The following NDST3 variants were observed in gnomAD, a reference collection of about 807,000 sequenced individuals.
NDST3 encodes the protein bifunctional heparan sulfate N-deacetylase/N-sulfotransferase 3.
In NDST3, 58 loss-of-function variants were observed where a neutral mutation model predicts 96.1. The observed-to-expected ratio is 0.60, with a 90% CI of 0.49 to 0.75. The LOEUF is 0.75. NDST3 is among the 30% of genes least tolerant of loss of function. NDST3 has a pLI of 0.00. For synonymous variants in NDST3, 333 were observed against 359.7 expected, an observed-to-expected ratio of 0.93 and a Z score of 0.84; for missense variants, 788 against 1,034.2, an observed-to-expected ratio of 0.76 and a Z score of 3.27.
intron 6 of NDST3, among the ~76,000 whole-genome samples, chr4:118,223,015 GC>G (rs1211314099): frequency 6.6e-6 from 1 of 151,674 alleles, no homozygotes; most frequent in African/African-American, 2.4e-5. Context: ...TAAAAATAAA[GC>G]AAGAAATTTG....
intron 2 of NDST3, among the ~76,000 whole-genome samples, chr4:118,080,587 T>G (rs1727931649): frequency 6.6e-6 from 1 of 152,326 alleles, no homozygotes; most frequent in East Asian, 1.9e-4. Context: ...TTTGAAGTTC[T>G]GGATCACAAA....
chr4:118,064,801 G>A (rs2110474670), intron 2 of NDST3, among the ~76,000 whole-genome samples: 1 of 152,236 alleles, frequency 6.6e-6, no homozygotes, highest in Middle Eastern at 3.4e-3. Flanking sequence ...GGGTCTTACT[G>A]AGCTAAGTTC....
At chr4:118,053,273 TA>T (rs1352718607) in intron 1 of NDST3, among the ~76,000 whole-genome samples, 1 of 152,016 alleles carries the variant, frequency 6.6e-6, no homozygotes, top group Non-Finnish European at 1.5e-5. Context: ...CTAATGAATG[TA>T]AAATGTGTAT....
intron 6 of NDST3, among the ~76,000 whole-genome samples, chr4:118,187,816 C>T (rs1737062342): frequency 6.6e-6 from 1 of 152,160 alleles, no homozygotes; most frequent in Admixed American, 6.5e-5. Context: ...AATGGGCATA[C>T]ATTTCCAAGA....
At chr4:118,198,845 G>A (rs1737873690) in intron 6 of NDST3, among the ~76,000 whole-genome samples, 1 of 151,812 alleles carries the variant, frequency 6.6e-6, no homozygotes, top group Admixed American at 6.6e-5. Context: ...TAGCATAAAA[G>A]TTCTCTTCCC....
In NDST3 at chr4:118,055,155, A is replaced by T. The variant is rs1479964125; in HGVS notation, c.981+264A>T. The T allele has an allele frequency of 8.4e-6, 4 of 475,272 alleles. No homozygotes were observed. The East Asian group carries it at 1.6e-4, about 19-fold the overall frequency. 29.4% of individuals were successfully genotyped at this position (475,272 alleles called of 1,614,324 possible). A position where few individuals can be genotyped will look rare whatever the true frequency, so the allele number is the denominator to read the frequency against. ...TACATGTATTTACAACTAGAGTAGA[A>T]GTCATTTCGTTTAATTACTTTCCAG... On this transcript the variant is annotated intron_variant, in intron 2 of 13. Transcript: ENST00000296499.
At chr4:118,041,930 A>G (rs10857057) in intron 1 of NDST3, among the ~76,000 whole-genome samples, 97,318 of 152,026 alleles carry the variant, frequency 0.64, 34,527 homozygotes, top group South Asian at 0.82. Context: ...AATATTTCAT[A>G]AGAGTTATGA....
At chr4:118,205,072 CATTTT>C (rs1738346375) in intron 6 of NDST3, among the ~76,000 whole-genome samples, 1 of 144,162 alleles carries the variant, frequency 6.9e-6, no homozygotes, top group Non-Finnish European at 1.5e-5. Flanking sequence ...AATTTCTTTT[CATTTT>C]AATAATAATA....
chr4:118,059,452 A>G (rs1377397321), intron 2 of NDST3, among the ~76,000 whole-genome samples: 1 of 152,160 alleles, frequency 6.6e-6, no homozygotes, highest in Non-Finnish European at 1.5e-5. Flanking sequence ...GGAAGATCCC[A>G]GAGTACCTAG....
At chr4:118,132,905 C>T (rs1732753712) in intron 4 of NDST3, among the ~76,000 whole-genome samples, 2 of 152,110 alleles carry the variant, frequency 1.3e-5, no homozygotes, top group African/African-American at 2.4e-5. Context: ...CTGGTGCCCT[C>T]TCCTACTGTA....
chr4:118,141,045 T>G (rs1373029795), intron 5 of NDST3, among the ~76,000 whole-genome samples: 2 of 152,172 alleles, frequency 1.3e-5, no homozygotes, highest in African/African-American at 2.4e-5. Flanking sequence ...TTTATTGGTA[T>G]CTCCCCAGAA....
chr4:118,047,673 G>A (rs1036645533), intron 1 of NDST3, among the ~76,000 whole-genome samples: 3 of 151,994 alleles, frequency 2.0e-5, no homozygotes, highest in African/African-American at 4.8e-5. Context: ...CTGGCTCTTC[G>A]GGCCAACTCA....
Position 118,255,574 on chromosome 4 carries a change from TCTC to T in NDST3, c.2503-12_2503-10del. The T allele has an allele frequency of 6.3e-7, 1 of 1,591,968 alleles. No individual in the cohort carries two copies. Among genetic ancestry groups the T allele is most frequent in the Non-Finnish European group, 8.6e-7 (1 of 1,168,962 alleles). On this transcript the variant is annotated splice_polypyrimidine_tract_variant and intron_variant, in intron 13 of 13. Transcript: ENST00000296499. ...ATAAACAAAATAAAATGTACTTTTC[TCTC>T]CTCCTCTCCACTTAGAGCAGGACAT...
intron 6 of NDST3, chr4:118,193,504 CT>C: frequency 1.1e-6 from 1 of 935,460 alleles, no homozygotes; most frequent in Non-Finnish European, 1.7e-6. Flanking sequence ...AAGCCTCTGC[CT>C]TGGCCTTGTT....
intron 10 of NDST3, among the ~76,000 whole-genome samples, chr4:118,239,993 A>T (rs1352579548): frequency 1.3e-5 from 2 of 152,042 alleles, no homozygotes; most frequent in African/African-American, 4.8e-5. Flanking sequence ...GATATCAGGG[A>T]ATGTATGATA....
At chr4:118,044,862 C>T (rs1277701488) in intron 1 of NDST3, among the ~76,000 whole-genome samples, 1 of 152,114 alleles carries the variant, frequency 6.6e-6, no homozygotes, top group African/African-American at 2.4e-5. Flanking sequence ...TTTTATGACA[C>T]TCTTGAGATA....
At chr4:118,248,585 G>A (rs1224936037) in intron 12 of NDST3, among the ~76,000 whole-genome samples, 1 of 152,186 alleles carries the variant, frequency 6.6e-6, no homozygotes, top group East Asian at 1.9e-4. Flanking sequence ...CCACCTCCAG[G>A]TTAGGGTAGC....
chr4:118,218,980 T>C (rs1383553880), intron 6 of NDST3, among the ~76,000 whole-genome samples: 1 of 151,250 alleles, frequency 6.6e-6, no homozygotes, highest in African/African-American at 2.4e-5. Flanking sequence ...GGAATACAAC[T>C]TACAACAAAG....
chr4:118,055,034 T>A, intron 2 of NDST3, 143 bp downstream of exon 2: 1 of 939,876 alleles, frequency 1.1e-6, no homozygotes, highest in Non-Finnish European at 1.7e-6. Context: ...TCGCTCACCC[T>A]AAATCAACTA....
Sources: gnomAD v4.1 joint callset for allele counts (sites outside exome capture counted in the v4.1 genomes callset) on GRCh38, gnomAD v4.1.1 for gene constraint, MANE v1.5 for transcripts, NCBI Gene and HGNC (gene_info 2026-07-23, HGNC 2026-07-21) for gene names.